The following TGM6 variants were observed in gnomAD, a reference collection of about 807,000 sequenced individuals.
TGM6 encodes the protein transglutaminase 6, also known as protein-glutamine gamma-glutamyltransferase 6.
Under a neutral mutation model 77.5 loss-of-function variants are expected in TGM6, and 74 were observed. The ratio of observed to expected loss-of-function variants is 0.96; its 90% CI spans 0.79 to 1.16. The LOEUF (loss-of-function observed/expected upper bound fraction) is 1.16. Among genes scored for constraint, TGM6 ranks in the 50% most tolerant of loss-of-function variants. TGM6 has a pLI of 0.00. For missense variants in TGM6, 968 were observed against 940.2 expected (o/e 1.03, Z -0.39); for synonymous variants, 383 against 378.9 (o/e 1.01, Z -0.12).
intron 9 of TGM6, among the ~76,000 whole-genome samples, chr20:2,411,530 C>T (rs1320959382): frequency 6.6e-6 from 1 of 151,920 alleles, no homozygotes; most frequent in East Asian, 1.9e-4. Flanking sequence ...AAAAAAGCTA[C>T]AGCTAAAATG....
chr20:2,399,175 T>A (rs548584334), intron 5 of TGM6, among the ~76,000 whole-genome samples: 2 of 151,302 alleles, frequency 1.3e-5, no homozygotes, highest in Non-Finnish European at 2.9e-5. Context: ...GAAACCTACA[T>A]TGTAAACTTC....
intron 1 of TGM6, among the ~76,000 whole-genome samples, chr20:2,393,809 G>C (rs73071389): frequency 1.3e-5 from 2 of 151,916 alleles, no homozygotes; most frequent in African/African-American, 4.8e-5. Flanking sequence ...TTCCAGGCGC[G>C]AGCCACCACG....
Position 2,432,662 on chromosome 20 carries a change from GA to G in TGM6, c.*20del, listed in dbSNP as rs1259762685. 2.5e-6 allele frequency: 4 copies of G among 1,613,994 alleles called. No homozygotes were observed. Among genetic ancestry groups the G allele is most frequent in the African/African-American group, 1.3e-5 (1 of 74,922 alleles). On this transcript the variant is annotated 3_prime_UTR_variant, in exon 13 of 13. Transcript: ENST00000202625. The stretch of plus-strand genomic sequence containing the variant: ...CAAGTGATGGATCATGAGGGACTGA[GA>G]GGGGTGGATTTGGCCCCTGTCCTCC...
chr20:2,405,654 T>G (rs992359768), intron 9 of TGM6, among the ~76,000 whole-genome samples: 1 of 152,352 alleles, frequency 6.6e-6, no homozygotes, highest in African/African-American at 2.4e-5. Flanking sequence ...GACTAATTCC[T>G]GTGCTGTTCC....
intron 9 of TGM6, 109 bp from the exon 10 acceptor site, chr20:2,417,123 G>A (rs1192316910): frequency 1.1e-6 from 1 of 924,742 alleles, no homozygotes; most frequent in South Asian, 1.5e-5. Context: ...CAAGGCATGT[G>A]GCGCCGGTGT....
At chr20:2,425,435 T>C (rs2084881501) in intron 10 of TGM6, among the ~76,000 whole-genome samples, 1 of 142,918 alleles carries the variant, frequency 7.0e-6, no homozygotes, top group South Asian at 2.3e-4. Flanking sequence ...TGACTCAGGG[T>C]TGCCACAAAA....
intron 9 of TGM6, among the ~76,000 whole-genome samples, chr20:2,411,780 C>A (rs2084785688): frequency 6.6e-6 from 1 of 151,976 alleles, no homozygotes; most frequent in South Asian, 2.1e-4. Flanking sequence ...GATCAAGGGT[C>A]TAAATGTGAG....
Position 2,417,464 on chromosome 20 carries a change from G to T in TGM6, c.1569G>T (p.Arg523=). The T allele has an allele frequency of 6.2e-7, 1 of 1,610,916 alleles. No individual in the cohort carries two copies. The highest frequency in any genetic ancestry group is 1.1e-5 in the South Asian group (1 of 90,994). The change falls in exon 10 of 13, where the codon CGG becomes CGT. Residue 523 remains arginine, a synonymous_variant. Transcript: ENST00000202625. ...LALCLANLTS[R]AQRVRVNLSG... ...TGTGCTTGGCCAACCTCACCTCCCG[G>T]GCCCAGCGGGTGAGGGTCAACCTGA... is the stretch of plus-strand genomic sequence containing the variant.
chr20:2,415,989 C>A (rs1031164292), intron 9 of TGM6, among the ~76,000 whole-genome samples: 1 of 152,126 alleles, frequency 6.6e-6, no homozygotes, highest in African/African-American at 2.4e-5. Context: ...CAAGAGAGTG[C>A]GTTCCCTCTA....
chr20:2,381,918 A>G (rs953285259), intron 1 of TGM6, among the ~76,000 whole-genome samples: 5 of 146,880 alleles, frequency 3.4e-5, no homozygotes, highest in Non-Finnish European at 6.0e-5. Context: ...ACCCTGTCTC[A>G]AAAAAAAAAG....
rs1482163796 is a variant in TGM6, at chr20:2,395,371, C to T, written c.359C>T (p.Ser120Phe). The T allele has an allele frequency of 1.9e-6, 3 of 1,614,272 alleles. No homozygotes were observed. Among genetic ancestry groups the T allele is most frequent in the African/African-American group, 1.3e-5 (1 of 75,072 alleles). ...GRYLLSIRLS[S>F]HRKHSNRRLG... is the part of the protein sequence containing the mutation. Reference sequence around the variant, plus strand: ...TACCTGCTGAGCATCAGGCTTTCCTCTCACCGCAAACACAGCAACCGGAGG... The same window carrying T: ...TACCTGCTGAGCATCAGGCTTTCCTTTCACCGCAAACACAGCAACCGGAGG... Residue 120 changes from serine (S) to phenylalanine (F), a missense_variant, in exon 3 of 13, where the codon TCT becomes TTT. Transcript: ENST00000202625.
At chr20:2,411,326 T>G (rs947290574) in intron 9 of TGM6, among the ~76,000 whole-genome samples, 2 of 152,094 alleles carry the variant, frequency 1.3e-5, no homozygotes, top group African/African-American at 4.8e-5. Flanking sequence ...ATCCCAAGAA[T>G]ACAAGATGGG....
intron 10 of TGM6, among the ~76,000 whole-genome samples, chr20:2,423,293 A>T (rs575081204): frequency 6.6e-6 from 1 of 151,310 alleles, no homozygotes; most frequent in East Asian, 2.0e-4. Flanking sequence ...ATAGCATTTT[A>T]CTCACAGTAG....
intron 10 of TGM6, among the ~76,000 whole-genome samples, chr20:2,418,882 C>T (rs1365049781): frequency 6.6e-6 from 1 of 151,834 alleles, no homozygotes; most frequent in Admixed American, 6.6e-5. Context: ...CGAAACCATC[C>T]TGGCTAACAC....
rs142405526 is a variant in TGM6, at chr20:2,391,239, G to A, written c.8-3213G>A. ...TACCTCCCTTAGGTGTATGTTAGGA[G>A]GCATAAGCACTTGAATACATACAAA... On this transcript the variant is annotated intron_variant, in intron 1 of 12. Transcript: ENST00000202625. 1.5e-3 allele frequency among the ~76,000 whole-genome samples: 227 copies of A among 152,020 alleles called. 2 individuals are homozygous for A. The highest frequency in any genetic ancestry group is 5.2e-3 in the African/African-American group (216 of 41,434).
intron 9 of TGM6, among the ~76,000 whole-genome samples, chr20:2,407,209 G>A (rs1273491136): frequency 1.3e-5 from 2 of 152,206 alleles, no homozygotes; most frequent in Non-Finnish European, 2.9e-5. Context: ...ACTGCCTACT[G>A]TGGGCAACGT....
At chr20:2,400,239 C>T (rs2084696714) in intron 6 of TGM6, 67 bp from the exon 7 acceptor site, 1 of 1,607,104 alleles carries the variant, frequency 6.2e-7, no homozygotes, top group Non-Finnish European at 8.5e-7. Context: ...AGGGCGCCTG[C>T]TGTGGAAGCC....
intron 10 of TGM6, 140 bp downstream of exon 10, chr20:2,417,713 T>G (rs1890813523): frequency 3.0e-6 from 3 of 1,006,662 alleles, no homozygotes; most frequent in Admixed American, 2.0e-5. Flanking sequence ...CTCAGTGCCT[T>G]GCCTCTTGTC....
At position 2,412,463 on chromosome 20, in the gene TGM6, A is replaced by C. The variant is rs145139405; in HGVS notation, c.1337-4769A>C. 3.1e-3 allele frequency among the ~76,000 whole-genome samples: 459 copies of C among 150,156 alleles called. 4 individuals are homozygous for C. The highest frequency in any genetic ancestry group is 0.011 in the African/African-American group (428 of 39,914). ...CTTAATGACACTGAAGTATACACTT[A>C]AAAATGGTTAAGATGGTAAATTTTA... On this transcript the variant is annotated intron_variant, in intron 9 of 12. Transcript: ENST00000202625.
Sources: allele counts gnomAD v4.1 joint callset (sites outside exome capture counted in the v4.1 genomes callset), GRCh38; gene constraint gnomAD v4.1.1; transcripts MANE v1.5; gene names NCBI Gene and HGNC (gene_info 2026-07-23, HGNC 2026-07-21).